Variants in AFF2 observed in about 807,000 individuals in gnomAD.
AFF2 encodes the protein AF4/FMR2 family member 2.
A neutral mutation model predicts 76.9 loss-of-function variants in AFF2; 14 were observed. The ratio of observed to expected loss-of-function variants is 0.18; its 90% CI spans 0.12 to 0.28. The LOEUF (loss-of-function observed/expected upper bound fraction) is 0.28, where lower values mean the gene tolerates loss of function less well. Ranked by LOEUF, AFF2 falls within the 10% of genes least tolerant of loss-of-function variation. The probability of loss-of-function intolerance (pLI) is 1.00; values close to 1 mark genes in which losing one functional copy is unlikely to be tolerated. For missense variants in AFF2, 868 were observed against 1,001.1 expected (o/e 0.87, Z 1.79); for synonymous variants, 398 against 366.7 (o/e 1.09, Z -0.98).
At chrX:148,896,288 T>G (rs1232493426) in intron 8 of AFF2, among the ~76,000 whole-genome samples, 1 of 111,823 alleles carries the variant, frequency 8.9e-6, no homozygotes, top group African/African-American at 3.3e-5. Context: ...CATGAAAACA[T>G]TGATTTTGTA....
At chrX:148,690,026 A>T (rs1488303123) in intron 3 of AFF2, among the ~76,000 whole-genome samples, 1 of 112,287 alleles carries the variant, frequency 8.9e-6, no homozygotes, top group East Asian at 2.8e-4. Flanking sequence ...TATAAAATTA[A>T]AATGTTACCA....
At chrX:148,928,067 C>T (rs1166156461) in intron 9 of AFF2, among the ~76,000 whole-genome samples, 3 of 111,710 alleles carry the variant, frequency 2.7e-5, no homozygotes, top group Non-Finnish European at 3.8e-5. Flanking sequence ...ATAAACCTAT[C>T]ATCAGGTTTA....
In AFF2 at chrX:148,885,916, C is replaced by T. The variant is rs782286111; in HGVS notation, c.1290C>T (p.Ser430=). ...TGCTTGAGGATGACCTGAAGCTGAG[C>T]AGTGATGAAGATGACCTTGAGCCTG... ...KSMLEDDLKL[S]SDEDDLEPVK... The change falls in exon 8 of 21, where the codon AGC becomes AGT. Residue 430 remains serine (S), a synonymous_variant. Transcript: ENST00000370460. The T allele has an allele frequency of 1.7e-6, 2 of 1,210,255 alleles. No individual in the cohort carries two copies. The highest frequency in any genetic ancestry group is 5.9e-5 in the East Asian group (2 of 33,769).
At position 148,655,456 on chromosome X, in the gene AFF2, A is replaced by T. The variant is rs1359921966; in HGVS notation, c.180+3325A>T. ...ATGTCCGACTAATTTTTGTATTCTT[A>T]GTAGAGATGGGGTTTCACCATGTTG... On this transcript the variant is annotated intron_variant, in intron 2 of 20. Transcript: ENST00000370460. Among the ~76,000 whole-genome samples, 3 of 110,343 alleles carry T rather than the reference A, an allele frequency of 2.7e-5. No homozygotes were observed. In the Admixed American group the frequency reaches 2.9e-4, roughly 11 times the overall value.
chrX:148,576,321 A>T (rs140447029), intron 1 of AFF2, among the ~76,000 whole-genome samples: 25 of 111,666 alleles, frequency 2.2e-4, no homozygotes, highest in African/African-American at 8.1e-4. Flanking sequence ...TTAAAATCAG[A>T]TCCTATCAGA....
At chrX:148,598,716 T>C (rs1431345944) in intron 1 of AFF2, among the ~76,000 whole-genome samples, 1 of 112,400 alleles carries the variant, frequency 8.9e-6, no homozygotes, top group Admixed American at 9.4e-5. Flanking sequence ...AGATAGAATC[T>C]AATGGTTGAC....
chrX:148,958,880 T>A (rs1166817600), intron 12 of AFF2, among the ~76,000 whole-genome samples: 5 of 110,382 alleles, frequency 4.5e-5, no homozygotes, highest in Non-Finnish European at 9.5e-5. Flanking sequence ...GAAAAGCAAC[T>A]CCTTGATCTT....
intron 1 of AFF2, among the ~76,000 whole-genome samples, chrX:148,602,085 C>T (rs1420437138): frequency 9.0e-6 from 1 of 111,606 alleles, no homozygotes; most frequent in Non-Finnish European, 1.9e-5. Context: ...ACAGGGTGCT[C>T]AGAAGAAGGC....
intron 8 of AFF2, among the ~76,000 whole-genome samples, chrX:148,902,901 G>T (rs1557281033): frequency 9.0e-6 from 1 of 111,217 alleles, no homozygotes; most frequent in African/African-American, 3.3e-5. Flanking sequence ...CTTAGTAAAT[G>T]GAAGCATGGA....
chrX:148,535,551 T>G (rs2052774736), intron 1 of AFF2, among the ~76,000 whole-genome samples: 1 of 112,817 alleles, frequency 8.9e-6, no homozygotes, highest in Non-Finnish European at 1.9e-5. Flanking sequence ...ATTTCTGAAG[T>G]CTCTACTCAA....
intron 3 of AFF2, among the ~76,000 whole-genome samples, chrX:148,767,344 G>T (rs1000262703): frequency 5.4e-5 from 6 of 111,599 alleles, no homozygotes; most frequent in Non-Finnish European, 7.5e-5. Context: ...TTGAGAAGAT[G>T]ATGTCATGGA....
At chrX:148,988,687 G>T (rs188819261) in intron 20 of AFF2, among the ~76,000 whole-genome samples, 37 of 111,826 alleles carry the variant, frequency 3.3e-4, no homozygotes, top group African/African-American at 1.1e-3. Flanking sequence ...ATAACTCAAA[G>T]ATTTTGTGGC....
intron 1 of AFF2, among the ~76,000 whole-genome samples, chrX:148,589,337 A>G (rs2124369569): frequency 8.9e-6 from 1 of 111,858 alleles, no homozygotes; most frequent in South Asian, 3.8e-4. Context: ...TACATGCAGC[A>G]TTTGGAATAT....
chrX:148,709,030 A>G (rs935941179), intron 3 of AFF2, among the ~76,000 whole-genome samples: 61 of 111,707 alleles, frequency 5.5e-4, no homozygotes, highest in African/African-American at 2.0e-3. Flanking sequence ...AGTATTGTGA[A>G]TAATCATGTG....
In AFF2 at chrX:148,651,906, A is replaced by AT. The variant is rs1378593790; in HGVS notation, c.48-86dup. The AT allele has an allele frequency of 4.5e-6, 4 of 895,977 alleles. No individual in the cohort carries two copies. The African/African-American group carries it at 6.1e-5, about 14-fold the overall frequency. The allele number at this position is 895,977 out of a possible 1,213,427, so 73.8% of individuals were successfully genotyped here. A position where few individuals can be genotyped will look rare whatever the true frequency, so the allele number is the denominator to read the frequency against. ...CAACTTGGGCAGCAAGTTGACTTGA[A>AT]TTTTTTTCTTATTATTGACAGCAAG... On this transcript the variant is annotated intron_variant, in intron 1 of 20. Coordinates refer to ENST00000370460, the MANE Select transcript of AFF2 (RefSeq NM_002025.4).
intron 1 of AFF2, among the ~76,000 whole-genome samples, chrX:148,625,511 G>T (rs1470601706): frequency 3.6e-5 from 4 of 109,957 alleles, no homozygotes; most frequent in Non-Finnish European, 5.7e-5. Context: ...ATTATCAGTC[G>T]CATCTGGCCT....
At chrX:148,834,358 A>G (rs1002151007) in intron 4 of AFF2, among the ~76,000 whole-genome samples, 1 of 111,344 alleles carries the variant, frequency 9.0e-6, no homozygotes, top group Admixed American at 9.5e-5. Flanking sequence ...TGTATAAGTG[A>G]CCTCACCTCT....
Position 148,580,745 on chromosome X carries a change from G to GTGTA in AFF2, c.48-71253_48-71252insGTAT, listed in dbSNP as rs782656290. Among the ~76,000 whole-genome samples, 744 of 106,027 alleles carry GTGTA rather than the reference G, an allele frequency of 7.0e-3. 1 individual carries two copies. Among genetic ancestry groups the GTGTA allele is most frequent in the Non-Finnish European group, 8.8e-3 (456 of 51,544 alleles). 92.1% of individuals were successfully genotyped at this position (106,027 alleles called of 115,157 possible). ...TATATATATATGTGTGTGTGTGTGT[G>GTGTA]TATATATATATGTGTGTGTATTTTT... On this transcript the variant is annotated intron_variant, in intron 1 of 20. Coordinates refer to ENST00000370460, the MANE Select transcript of AFF2 (RefSeq NM_002025.4).
intron 3 of AFF2, among the ~76,000 whole-genome samples, chrX:148,685,587 C>T (rs1263660551): frequency 9.0e-6 from 1 of 111,470 alleles, no homozygotes; most frequent in Non-Finnish European, 1.9e-5. Context: ...AGAGTAATTT[C>T]TCAGTGGAGA....
Sources: gnomAD v4.1 joint callset for allele counts (sites outside exome capture counted in the v4.1 genomes callset) on GRCh38, gnomAD v4.1.1 for gene constraint, MANE v1.5 for transcripts, NCBI Gene and HGNC (gene_info 2026-07-23, HGNC 2026-07-21) for gene names.